LRRTM4: variants seen among roughly 807,000 people sequenced by gnomAD.
The protein encoded by LRRTM4 is leucine rich repeat transmembrane neuronal 4.
Under a neutral mutation model 47.6 loss-of-function variants are expected in LRRTM4, and 25 were observed. The observed-to-expected ratio is 0.53, with a 90% CI of 0.38 to 0.73. The LOEUF (loss-of-function observed/expected upper bound fraction) is 0.73. Ranked by LOEUF, LRRTM4 falls within the 30% of genes least tolerant of loss-of-function variation. The pLI is 0.00. For missense variants in LRRTM4, 638 were observed against 713.4 expected (o/e 0.89, Z 1.20); for synonymous variants, 311 against 269.5 (o/e 1.15, Z -1.51).
intron 3 of LRRTM4, among the ~76,000 whole-genome samples, chr2:77,167,373 C>A (rs971407496): frequency 6.6e-6 from 1 of 152,126 alleles, no homozygotes; most frequent in African/African-American, 2.4e-5. Context: ...ACTAGTTCAA[C>A]CATTGTGGAA....
intron 3 of LRRTM4, among the ~76,000 whole-genome samples, chr2:77,154,360 A>G (rs567261276): frequency 2.9e-4 from 44 of 152,170 alleles, no homozygotes; most frequent in Admixed American, 6.5e-4. Flanking sequence ...GTAATAGAAG[A>G]CATGGTCCAC....
At chr2:77,183,933 G>A (rs1445178019) in intron 3 of LRRTM4, among the ~76,000 whole-genome samples, 1 of 152,072 alleles carries the variant, frequency 6.6e-6, no homozygotes, top group African/African-American at 2.4e-5. Context: ...GGCCTGTCGT[G>A]GGTTGGGGAG....
At chr2:76,898,520 TC>T (rs1181964546) in intron 3 of LRRTM4, among the ~76,000 whole-genome samples, 1 of 117,170 alleles carries the variant, frequency 8.5e-6, no homozygotes, top group East Asian at 2.7e-4. Flanking sequence ...ACCAATGCAC[TC>T]CAGCCAGGGT....
At chr2:77,118,735 T>C (rs956171909) in intron 3 of LRRTM4, among the ~76,000 whole-genome samples, 2 of 151,846 alleles carry the variant, frequency 1.3e-5, no homozygotes, top group Admixed American at 6.6e-5. Context: ...TATTCATTAA[T>C]CATTTGAGAG....
chr2:77,351,895 G>A (rs960079379), intron 3 of LRRTM4, among the ~76,000 whole-genome samples: 1 of 152,050 alleles, frequency 6.6e-6, no homozygotes, highest in East Asian at 1.9e-4. Flanking sequence ...ACTGTGAAAT[G>A]TATGTAGAAA....
intron 3 of LRRTM4, among the ~76,000 whole-genome samples, chr2:76,798,355 G>A (rs557232031): frequency 1.3e-5 from 2 of 151,826 alleles, no homozygotes; most frequent in African/African-American, 2.4e-5. Flanking sequence ...TGACTACTGG[G>A]TACATAACGA....
chr2:76,943,231 TGC>T (rs2103866975), intron 3 of LRRTM4, among the ~76,000 whole-genome samples: 1 of 152,240 alleles, frequency 6.6e-6, no homozygotes, highest in Admixed American at 6.5e-5. Flanking sequence ...TTTTAAAAGC[TGC>T]CTGGATGACT....
At chr2:77,358,137 C>G (rs1672041226) in intron 3 of LRRTM4, among the ~76,000 whole-genome samples, 1 of 151,950 alleles carries the variant, frequency 6.6e-6, no homozygotes, top group South Asian at 2.1e-4. Context: ...AAATTTCTGT[C>G]TTAGTTTTGT....
intron 3 of LRRTM4, among the ~76,000 whole-genome samples, chr2:76,797,394 A>C (rs1675397996): frequency 6.6e-6 from 1 of 152,090 alleles, no homozygotes. Flanking sequence ...GAAATGAAAT[A>C]CTTTACAGAC....
Position 77,521,724 on chromosome 2 carries a change from T to C in LRRTM4, c.-53A>G. ...CTCTCTCAGCTTTCTTCTTATTTGG[T>C]CTCTTGTGCGGAAACCACCACCACC... On this transcript the variant is annotated 5_prime_UTR_variant, in exon 2 of 4. Coordinates refer to ENST00000409884, the MANE Select transcript of LRRTM4 (RefSeq NM_001134745.3). The C allele has an allele frequency of 1.2e-6, 2 of 1,608,878 alleles. No individual in the cohort carries two copies. Among genetic ancestry groups the C allele is most frequent in the Non-Finnish European group, 1.7e-6 (2 of 1,177,142 alleles).
At chr2:76,927,201 A>G (rs1573324032) in intron 3 of LRRTM4, among the ~76,000 whole-genome samples, 1 of 152,222 alleles carries the variant, frequency 6.6e-6, no homozygotes, top group South Asian at 2.1e-4. Context: ...AGACCTGCAT[A>G]GTACCATCTT....
At chr2:76,991,138 C>T (rs1264891307) in intron 3 of LRRTM4, among the ~76,000 whole-genome samples, 1 of 151,620 alleles carries the variant, frequency 6.6e-6, no homozygotes, top group African/African-American at 2.4e-5. Flanking sequence ...TGGGATGCAA[C>T]ATAGGCAGTG....
intron 3 of LRRTM4, among the ~76,000 whole-genome samples, chr2:76,805,940 T>C (rs1675942369): frequency 6.6e-6 from 1 of 152,144 alleles, no homozygotes; most frequent in African/African-American, 2.4e-5. Context: ...GTTATTGTGG[T>C]CTCACCTGAT....
chr2:76,923,352 G>A (rs909777266), intron 3 of LRRTM4, among the ~76,000 whole-genome samples: 1 of 151,788 alleles, frequency 6.6e-6, no homozygotes, highest in Non-Finnish European at 1.5e-5. Flanking sequence ...TTGTGAGCTG[G>A]TTGTTAAACA....
intron 3 of LRRTM4, among the ~76,000 whole-genome samples, chr2:77,133,839 T>C (rs1671864345): frequency 6.6e-6 from 1 of 152,202 alleles, no homozygotes; most frequent in South Asian, 2.1e-4. Flanking sequence ...TAAATGTATG[T>C]GACTAAACAA....
chr2:76,780,917 G>A (rs1466086198), intron 3 of LRRTM4, among the ~76,000 whole-genome samples: 1 of 151,976 alleles, frequency 6.6e-6, no homozygotes, highest in African/African-American at 2.4e-5. Flanking sequence ...TTTGATGATG[G>A]TGATGTACAG....
chr2:76,834,134 G>C (rs962512602), intron 3 of LRRTM4, among the ~76,000 whole-genome samples: 1 of 151,318 alleles, frequency 6.6e-6, no homozygotes, highest in African/African-American at 2.4e-5. Flanking sequence ...TCTCCCTCCC[G>C]GGTTCAAGTA....
intron 3 of LRRTM4, among the ~76,000 whole-genome samples, chr2:77,067,928 T>C (rs1181996855): frequency 6.6e-6 from 1 of 152,138 alleles, no homozygotes; most frequent in Non-Finnish European, 1.5e-5. Flanking sequence ...TATATTTTCA[T>C]GACATTTCTT....
At position 77,378,869 on chromosome 2, in the gene LRRTM4, G is replaced by A. The variant is rs188914474; in HGVS notation, c.1551+139449C>T. On this transcript the variant is annotated intron_variant, in intron 3 of 3. Coordinates refer to ENST00000409884, the MANE Select transcript of LRRTM4 (RefSeq NM_001134745.3). ...GGAGGTTTACCTGGAACAGGTTGAG[G>A]TGACAGTGTTCACCTTTACACACAA... Among the ~76,000 whole-genome samples the A allele has an allele frequency of 1.4e-3, 208 of 152,216 alleles. 3 individuals are homozygous for A. The highest frequency in any genetic ancestry group is 4.7e-3 in the African/African-American group (197 of 41,556).
Sources: gnomAD v4.1 joint callset for allele counts (sites outside exome capture counted in the v4.1 genomes callset) on GRCh38, gnomAD v4.1.1 for gene constraint, MANE v1.5 for transcripts, NCBI Gene and HGNC (gene_info 2026-07-23, HGNC 2026-07-21) for gene names.